The following CCDC197 variants were observed in gnomAD, a reference collection of about 807,000 sequenced individuals.
CCDC197 encodes the protein coiled-coil domain containing 197.
Under a neutral mutation model 13.4 loss-of-function variants are expected in CCDC197, and 24 were observed. The ratio of observed to expected loss-of-function variants is 1.80; its 90% CI spans 1.30 to 2.53. CCDC197 has a LOEUF of 2.53. CCDC197 is among the 30% of genes most tolerant of loss of function. CCDC197 has a pLI of 0.00. For missense variants in CCDC197, 255 were observed against 148.8 expected (o/e 1.71, Z -3.71); for synonymous variants, 99 against 55.5 (o/e 1.78, Z -3.48).
intron 1 of CCDC197, among the ~76,000 whole-genome samples, chr14:93,989,296 C>T (rs1245376958): frequency 6.6e-6 from 1 of 152,138 alleles, no homozygotes; most frequent in African/African-American, 2.4e-5. Flanking sequence ...CAGCCCAGGA[C>T]CCAGGATAAG....
At chr14:93,996,229 C>A (rs1890297730), upstream of CCDC197, among the ~76,000 whole-genome samples, 1 of 152,150 alleles carries the variant, frequency 6.6e-6, no homozygotes. Context: ...AACCCAAGGC[C>A]AGAGCAAGGA....
At chr14:93,998,931 T>A (rs949136690) in intron 2 of CCDC197, among the ~76,000 whole-genome samples, 1 of 152,198 alleles carries the variant, frequency 6.6e-6, no homozygotes, top group African/African-American at 2.4e-5. Context: ...CTTGGGAGCT[T>A]GGCCAGCTGG....
At chr14:93,999,485 C>A in intron 2 of CCDC197, 98 bp from the exon 3 acceptor site, 1 of 742,950 alleles carries the variant, frequency 1.3e-6, no homozygotes, top group South Asian at 1.4e-5. Context: ...CAGTGCACGT[C>A]CAAGCAGGAG....
chr14:93,993,617 T>C (rs1890241793), upstream of CCDC197, among the ~76,000 whole-genome samples: 1 of 152,246 alleles, frequency 6.6e-6, no homozygotes, highest in African/African-American at 2.4e-5. Context: ...CATTTGGGGC[T>C]GTAGAGCAGA....
intron 5 of CCDC197, among the ~76,000 whole-genome samples, chr14:94,004,299 T>C (rs1890620377): frequency 6.6e-6 from 1 of 152,202 alleles, no homozygotes; most frequent in Non-Finnish European, 1.5e-5. Flanking sequence ...AGGGCTGCGC[T>C]GGGCACACCT....
chr14:94,007,711 T>C (rs147523334), intron 6 of CCDC197, among the ~76,000 whole-genome samples: 1 of 152,322 alleles, frequency 6.6e-6, no homozygotes, highest in African/African-American at 2.4e-5. Flanking sequence ...TTCCATACTC[T>C]CCTGTCTTCT....
chr14:94,004,371 G>T (rs552748544), intron 5 of CCDC197, among the ~76,000 whole-genome samples: 1 of 152,332 alleles, frequency 6.6e-6, no homozygotes, highest in Admixed American at 6.5e-5. Flanking sequence ...GACTGACTGG[G>T]CCTCGAGGGA....
chr14:94,009,665 G>T (rs549574338), downstream of CCDC197, among the ~76,000 whole-genome samples: 3 of 152,310 alleles, frequency 2.0e-5, no homozygotes, highest in Admixed American at 1.3e-4. Context: ...GGAGGTCAAG[G>T]CTGCAGTGAG....
In CCDC197 at chr14:93,998,050, T is replaced by C. The variant is rs1415493049; in HGVS notation, c.-82T>C. The C allele has an allele frequency of 6.6e-6, 5 of 754,498 alleles. No individual in the cohort carries two copies. Among genetic ancestry groups the C allele is most frequent in the Admixed American group, 1.8e-5 (1 of 56,760 alleles). 46.7% of individuals were successfully genotyped at this position (754,498 alleles called of 1,614,324 possible). A position where few individuals can be genotyped will look rare whatever the true frequency, so the allele number is the denominator to read the frequency against. On this transcript the variant is annotated 5_prime_UTR_variant, in exon 2 of 7. An upstream open reading frame in the 5' UTR loses its in-frame stop. Transcript: ENST00000636493. ...GGATCTGAAGAGGAAGCTGCGGCTG[T>C]GACTGTCCCTTTTCGGTCTGTCTTC...
At position 94,004,977 on chromosome 14, in the gene CCDC197, G is replaced by C. The variant is rs1015948041; in HGVS notation, c.615+6G>C. On this transcript the variant is annotated splice_donor_region_variant and intron_variant, in intron 6 of 6. Transcript: ENST00000636493. ...CCAAGCTCGATCTGATTAAGGTAAG[G>C]ATAGACAGATGGCTGCGGGGCTCCT... 1.3e-5 allele frequency: 9 copies of C among 701,734 alleles called. No individual in the cohort carries two copies. The East Asian group carries it at 2.4e-4, about 19-fold the overall frequency. The allele number at this position is 701,734 out of a possible 1,614,324, so 43.5% of individuals were successfully genotyped here. A position where few individuals can be genotyped will look rare whatever the true frequency, so the allele number is the denominator to read the frequency against.
In CCDC197 at chr14:94,008,658, C is replaced by T. The variant is rs921029897; in HGVS notation, c.665C>T (p.Thr222Met). Residue 222 changes from threonine (T) to methionine (M), a missense_variant, in exon 7 of 7, where the codon ACG becomes ATG. By Grantham distance (81) the Thr-to-Met change is moderately conservative. Transcript: ENST00000636493. The stretch of plus-strand genomic sequence containing the variant: ...ACTGTAAGACTGATCGCACTGCTCA[C>T]GGAACCCAAAGTGTGCTGGTCATGG... ...METVRLIALL[T>M]EPKVCWSWDS... is the part of the protein sequence containing the mutation. The T allele has an allele frequency of 1.6e-5, 11 of 702,934 alleles. No individual in the cohort carries two copies. Among genetic ancestry groups the T allele is most frequent in the Admixed American group, 6.0e-5 (3 of 50,004 alleles). The allele number at this position is 702,934 out of a possible 1,614,324, so 43.5% of individuals were successfully genotyped here.
Position 93,999,613 on chromosome 14 carries a change from G to A in CCDC197, c.135G>A (p.Lys45=). 1.3e-6 allele frequency: 1 copy of A among 781,020 alleles called. No homozygotes were observed. The highest frequency in any genetic ancestry group is 2.4e-6 in the Non-Finnish European group (1 of 418,144). 48.4% of individuals were successfully genotyped at this position (781,020 alleles called of 1,614,324 possible). A position where few individuals can be genotyped will look rare whatever the true frequency, so the allele number is the denominator to read the frequency against. ...AGAAGCTCAAGAGAGAAGTCGAGAAGCACAAGCTTTTTGAAGACTATCTGA... is the reference window on the plus strand; with the variant it reads ...AGAAGCTCAAGAGAGAAGTCGAGAAACACAAGCTTTTTGAAGACTATCTGA... ...KQKKLKREVE[K]HKLFEDYLIK... is the part of the protein sequence containing the mutation. Residue 45 remains lysine, a synonymous_variant, in exon 3 of 7, where the codon AAG becomes AAA. Coordinates refer to ENST00000636493, the MANE Select transcript of CCDC197 (RefSeq NM_001351596.2).
chr14:93,999,471 G>A (rs970382889), intron 2 of CCDC197, 112 bp from the exon 3 acceptor site: 4 of 704,594 alleles, frequency 5.7e-6, no homozygotes, highest in African/African-American at 1.8e-5. Context: ...GTACGTGGCC[G>A]GCCCAGTGCA....
In CCDC197 at chr14:94,008,858, C is replaced by T. The variant is rs761132259; in HGVS notation, c.*46C>T. The T allele has an allele frequency of 6.0e-6, 4 of 668,596 alleles. 1 individual carries two copies. Among genetic ancestry groups the T allele is most frequent in the South Asian group, 4.7e-5 (3 of 64,166 alleles). The allele number at this position is 668,596 out of a possible 1,614,324, so 41.4% of individuals were successfully genotyped here. A position where few individuals can be genotyped will look rare whatever the true frequency, so the allele number is the denominator to read the frequency against. ...CCCATGGCATCACGACCTCTCCTTA[C>T]CTGCCTGCCTCCTTTTCTCACCACC... On this transcript the variant is annotated 3_prime_UTR_variant, in exon 7 of 7. Transcript: ENST00000636493.
chr14:93,994,858 T>C (rs1386612811), upstream of CCDC197, among the ~76,000 whole-genome samples: 6 of 152,200 alleles, frequency 3.9e-5, no homozygotes, highest in African/African-American at 4.8e-5. Flanking sequence ...GAGGTGCTAA[T>C]GGAGTCTTCC....
chr14:94,000,593 G>A lies in CCDC197; in HGVS notation c.188-552G>A, dbSNP rs529774008. ...GGTGGGTTTAGGGGTGGTGAGCTCC[G>A]GGCTGCTGGGCGATGTGGCTGGGAG... On this transcript the variant is annotated intron_variant, in intron 3 of 6. Coordinates refer to ENST00000636493, the MANE Select transcript of CCDC197 (RefSeq NM_001351596.2). Among the ~76,000 whole-genome samples, 15 of 152,182 alleles carry A rather than the reference G, an allele frequency of 9.9e-5. No homozygotes were observed. In the East Asian group the frequency reaches 1.9e-3, roughly 20 times the overall value.
At chr14:94,001,649 G>A (rs1319229359) in intron 4 of CCDC197, 3 of 232,196 alleles carry the variant, frequency 1.3e-5, no homozygotes, top group Non-Finnish European at 2.5e-5. Flanking sequence ...CTCAGTTTCT[G>A]CATCTGTCAA....
At chr14:94,007,694 C>A (rs1890723806) in intron 6 of CCDC197, 1 of 152,142 alleles carries the variant, frequency 6.6e-6, no homozygotes, top group Admixed American at 6.5e-5. Context: ...CATCAAAGAC[C>A]CATCCTTTCC....
chr14:93,989,094 A>C (rs1425878402), intron 1 of CCDC197, among the ~76,000 whole-genome samples: 1 of 152,116 alleles, frequency 6.6e-6, no homozygotes, highest in South Asian at 2.1e-4. Flanking sequence ...GAGAGAGGGC[A>C]GGGGAGTCTC....
Sources: gnomAD v4.1 joint callset for allele counts (sites outside exome capture counted in the v4.1 genomes callset) on GRCh38, gnomAD v4.1.1 for gene constraint, MANE v1.5 for transcripts, NCBI Gene and HGNC (gene_info 2026-07-23, HGNC 2026-07-21) for gene names.